Variants in PROX1 observed in about 807,000 individuals in gnomAD.
The protein encoded by PROX1 is prospero homeobox protein 1.
Under a neutral mutation model 58.8 loss-of-function variants are expected in PROX1, and 7 were observed. That is an observed-to-expected ratio of 0.12 (90% CI 0.07 to 0.22). PROX1 has a LOEUF of 0.22. Ranked by LOEUF, PROX1 falls within the 10% of genes least tolerant of loss-of-function variation. The pLI is 1.00. For synonymous variants in PROX1, 350 were observed against 358.3 expected, an observed-to-expected ratio of 0.98 and a Z score of 0.26; for missense variants, 675 against 927.8, an observed-to-expected ratio of 0.73 and a Z score of 3.54.
Position 213,998,242 on chromosome 1 carries a change from A to G in PROX1, c.1707A>G (p.Ser569=). The G allele has an allele frequency of 2.5e-6, 4 of 1,569,342 alleles. No homozygotes were observed. Among genetic ancestry groups the G allele is most frequent in the Non-Finnish European group, 3.5e-6 (4 of 1,158,062 alleles). Residue 569 remains serine, a synonymous_variant, in exon 2 of 5, where the codon TCA becomes TCG. Transcript: ENST00000366958. Reference sequence around the variant, plus strand: ...ATCTTCAAGATATGTCTGAAATATCACCTTATTCGGGAAGTGCAATATCCT... The same window carrying G: ...ATCTTCAAGATATGTCTGAAATATCGCCTTATTCGGGAAGTGCAATATCCT... ...CGDLQDMSEI[S]PYSGSAMQEG... is the part of the protein sequence containing the mutation.
chr1:213,998,826 A>T (rs1369199554), intron 2 of PROX1, among the ~76,000 whole-genome samples: 1 of 151,996 alleles, frequency 6.6e-6, no homozygotes, highest in African/African-American at 2.4e-5. Flanking sequence ...GGAGGAAGAA[A>T]AATGGATGTG....
chr1:214,017,393 G>A (rs990361870), intron 4 of PROX1, among the ~76,000 whole-genome samples: 1 of 151,916 alleles, frequency 6.6e-6, no homozygotes, highest in Admixed American at 6.6e-5. Context: ...ATGTCTTTAG[G>A]TATCATATGT....
At chr1:214,000,525 A>G (rs945189154) in intron 2 of PROX1, among the ~76,000 whole-genome samples, 6 of 152,110 alleles carry the variant, frequency 3.9e-5, no homozygotes, top group African/African-American at 1.4e-4. Context: ...AGTTGCTCAC[A>G]CTCAGAATTG....
At position 213,997,390 on chromosome 1, in the gene PROX1, T is replaced by C; in HGVS notation, c.855T>C (p.Asp285=). 1 of 1,614,082 alleles carries C rather than the reference T, an allele frequency of 6.2e-7. No homozygotes were observed. The highest frequency in any genetic ancestry group is 8.5e-7 in the Non-Finnish European group (1 of 1,180,002). ...SEDSMRSEIL[D]ARAQDSVGRS... ...ACAGCATGCGCTCGGAGATCCTGGA[T>C]GCCAGGGCCCAGGACTCTGTCGGAA... Residue 285 remains aspartate (D), a synonymous_variant, in exon 2 of 5, where the codon GAT becomes GAC. Transcript: ENST00000366958. This position sits in a 1 kb window ranked among gnomAD's most constrained non-coding sequence, Gnocchi z 7.1.
chr1:214,021,897 C>A (rs934944779), intron 4 of PROX1, among the ~76,000 whole-genome samples: 3 of 152,178 alleles, frequency 2.0e-5, no homozygotes, highest in African/African-American at 7.2e-5. Flanking sequence ...GTAGATCAAG[C>A]ACTGGGGTAT....
chr1:214,009,985 T>C (rs1663851248), intron 3 of PROX1, among the ~76,000 whole-genome samples: 2 of 152,164 alleles, frequency 1.3e-5, no homozygotes, highest in Admixed American at 6.5e-5. Flanking sequence ...TGAGATAAAA[T>C]GGAAAGAACT....
rs1664892039 is a variant in PROX1 at position 214,038,207 on chromosome 1, C to T, written c.*2373C>T. ...AATATCCTCTCAATGTTCACTGAGG[C>T]ATAGAAATTATTTCAGAGTAGAAAT... is the stretch of plus-strand genomic sequence containing the variant. On this transcript the variant is annotated 3_prime_UTR_variant, in exon 5 of 5. Transcript: ENST00000366958. 6.6e-6 allele frequency: 1 copy of T among 152,132 alleles called. No homozygotes were observed. The highest frequency in any genetic ancestry group is 1.5e-5 in the Non-Finnish European group (1 of 68,024). 9.4% of individuals were successfully genotyped at this position (152,132 alleles called of 1,614,324 possible). A position where few individuals can be genotyped will look rare whatever the true frequency, so the allele number is the denominator to read the frequency against.
chr1:214,014,691 T>C lies in PROX1; in HGVS notation c.2028+2976T>C, dbSNP rs1462432832. 3.3e-5 allele frequency among the ~76,000 whole-genome samples: 5 copies of C among 151,566 alleles called. No individual in the cohort carries two copies. The South Asian group carries it at 1.1e-3, about 32-fold the overall frequency. Reference sequence around the variant, plus strand: ...CCCAAAGCTTTACTATTCTTCAAGTTATTCTAACTGGGCAGAGGCAGATCG... The same window carrying C: ...CCCAAAGCTTTACTATTCTTCAAGTCATTCTAACTGGGCAGAGGCAGATCG... On this transcript the variant is annotated intron_variant, in intron 4 of 4. Transcript: ENST00000366958.
At chr1:213,991,648 C>A (rs1663041754) in intron 1 of PROX1, among the ~76,000 whole-genome samples, 1 of 152,210 alleles carries the variant, frequency 6.6e-6, no homozygotes, top group African/African-American at 2.4e-5. Flanking sequence ...TCTTTGTTCT[C>A]ACTTTATTCA....
In PROX1 at chr1:214,039,950, G is replaced by A. The variant is rs551355848; in HGVS notation, c.*4116G>A. 1.3e-5 allele frequency: 2 copies of A among 152,272 alleles called. No individual in the cohort carries two copies. The highest frequency in any genetic ancestry group is 4.8e-5 in the African/African-American group (2 of 41,564). The allele number at this position is 152,272 out of a possible 1,614,324, so 9.4% of individuals were successfully genotyped here. A position where few individuals can be genotyped will look rare whatever the true frequency, so the allele number is the denominator to read the frequency against. ...TTTACAGACTCCCCTGAAAGAAGCA[G>A]TGTATATGTGAAGACAGTGCAAAAA... On this transcript the variant is annotated 3_prime_UTR_variant, in exon 5 of 5. Transcript: ENST00000366958.
chr1:214,013,558 A>G (rs1055931815), intron 4 of PROX1, among the ~76,000 whole-genome samples: 2 of 101,226 alleles, frequency 2.0e-5, no homozygotes, highest in Admixed American at 1.2e-4. Flanking sequence ...AAGTCCTTAA[A>G]GTGCGCACGA....
intron 4 of PROX1, among the ~76,000 whole-genome samples, chr1:214,018,745 T>C (rs1017033429): frequency 2.0e-5 from 3 of 152,228 alleles, no homozygotes; most frequent in Non-Finnish European, 2.9e-5. Context: ...GTGTCTCTTA[T>C]AGCAGTTTCT....
intron 3 of PROX1, among the ~76,000 whole-genome samples, chr1:214,009,243 C>T (rs981704869): frequency 2.0e-5 from 3 of 152,110 alleles, no homozygotes; most frequent in Non-Finnish European, 4.4e-5. Context: ...CTGAGATGTC[C>T]CGTGGGAAGC....
intron 4 of PROX1, among the ~76,000 whole-genome samples, chr1:214,031,441 G>GT (rs940697434): frequency 9.2e-5 from 14 of 152,158 alleles, no homozygotes; most frequent in African/African-American, 2.6e-4. Context: ...GAAGCCTTTT[G>GT]TTTTTTCCCT....
In PROX1 at chr1:213,997,241, C is replaced by G; in HGVS notation, c.706C>G (p.Arg236Gly). 1.2e-6 allele frequency: 2 copies of G among 1,612,548 alleles called. No homozygotes were observed. Among genetic ancestry groups the G allele is most frequent in the Non-Finnish European group, 1.7e-6 (2 of 1,179,356 alleles). ...CCGAAAAGAACAGAAGCGAGAGGAG[C>G]GCCGACAGCTGAAACAGCAGCTGGA... is the stretch of plus-strand genomic sequence containing the variant. ...SARKEQKREE[R>G]RQLKQQLEDM... The change falls in exon 2 of 5, where the codon CGC becomes GGC. Residue 236 changes from arginine (R) to glycine (G), a missense_variant. Physicochemically the swap from Arg to Gly is moderately radical, Grantham distance 125 (BLOSUM62 -2). Coordinates refer to ENST00000366958, the MANE Select transcript of PROX1 (RefSeq NM_001270616.2). The surrounding 1 kb of genome is among the most constrained non-coding windows in gnomAD (Gnocchi z 7.1).
chr1:213,991,343 G>A (rs1028987855), intron 1 of PROX1, among the ~76,000 whole-genome samples: 3 of 152,008 alleles, frequency 2.0e-5, no homozygotes, highest in Non-Finnish European at 4.4e-5. Flanking sequence ...TTTGTGTTTG[G>A]GTAGTTATTG....
intron 4 of PROX1, among the ~76,000 whole-genome samples, chr1:214,025,663 CTTTT>C (rs539954941): frequency 7.3e-6 from 1 of 136,520 alleles, no homozygotes. Flanking sequence ...TCTGTGATTC[CTTTT>C]TTTTTTTTTT....
chr1:214,018,690 T>C (rs1458625775), intron 4 of PROX1, among the ~76,000 whole-genome samples: 2 of 152,224 alleles, frequency 1.3e-5, no homozygotes, highest in Non-Finnish European at 2.9e-5. Flanking sequence ...GTAGTGTTCA[T>C]GACAACTTCA....
At chr1:214,020,202 C>A (rs895505157) in intron 4 of PROX1, among the ~76,000 whole-genome samples, 71 of 152,284 alleles carry the variant, frequency 4.7e-4, no homozygotes, top group African/African-American at 1.7e-3. Context: ...GTGTGCCTTC[C>A]TCCTCCGTCC....
Sources: gnomAD v4.1 joint callset for allele counts (sites outside exome capture counted in the v4.1 genomes callset) on GRCh38, gnomAD v4.1.1 for gene constraint, Gnocchi (gnomAD v3.1) non-coding constraint, MANE v1.5 for transcripts, NCBI Gene and HGNC (gene_info 2026-07-23, HGNC 2026-07-21) for gene names.